Variants in PAK6 observed in about 807,000 individuals in gnomAD.
PAK6 encodes the protein p21 (RAC1) activated kinase 6.
PAK6 carries 33 observed loss-of-function variants against 60.8 expected under a neutral mutation model. The observed-to-expected ratio is 0.54, with a 90% confidence interval of 0.41 to 0.73. PAK6 has a LOEUF of 0.73. Ranked by LOEUF, PAK6 falls within the 30% of genes least tolerant of loss-of-function variation. The pLI is 0.00. For missense variants in PAK6, 845 were observed against 904.1 expected (o/e 0.93, Z 0.84); for synonymous variants, 404 against 378.5 (o/e 1.07, Z -0.78).
At chr15:40,273,864 G>T in intron 9 of PAK6, 188 bp downstream of exon 9, 1 of 744,962 alleles carries the variant, frequency 1.3e-6, no homozygotes, top group South Asian at 1.8e-5. Context: ...AACGAGTCCT[G>T]CAAGTGCTTT....
intron 2 of PAK6, among the ~76,000 whole-genome samples, chr15:40,243,961 G>A (rs968472420): frequency 3.9e-5 from 6 of 152,220 alleles, no homozygotes; most frequent in African/African-American, 1.4e-4. Context: ...GCATACACTT[G>A]GTGATGTGGC....
At chr15:40,252,674 G>A in intron 2 of PAK6, 2 of 1,313,682 alleles carry the variant, frequency 1.5e-6, no homozygotes, top group Non-Finnish European at 2.0e-6. Context: ...GAGCGTTCCT[G>A]GGCTTCCCGC....
At chr15:40,247,921 C>T (rs972495966) in intron 2 of PAK6, among the ~76,000 whole-genome samples, 1 of 152,184 alleles carries the variant, frequency 6.6e-6, no homozygotes, top group Non-Finnish European at 1.5e-5. Flanking sequence ...GAGCTTTCTC[C>T]TTGGTCCCTT....
chr15:40,253,284 C>T (rs769193602), exon 3 of PAK6: 2 of 455,660 alleles, frequency 4.4e-6, no homozygotes, highest in Admixed American at 2.3e-5. Context: ...CGGAAGGCGC[C>T]GGAAGGTGAG....
At chr15:40,242,097 G>T (rs1438828664) in intron 2 of PAK6, among the ~76,000 whole-genome samples, 1 of 152,186 alleles carries the variant, frequency 6.6e-6, no homozygotes, top group Non-Finnish European at 1.5e-5. Context: ...CAGCAGGTTG[G>T]GCCAGGAGGG....
At chr15:40,244,117 A>C (rs1433843389) in intron 2 of PAK6, among the ~76,000 whole-genome samples, 2 of 152,120 alleles carry the variant, frequency 1.3e-5, no homozygotes, top group East Asian at 3.9e-4. Context: ...AGATCACAAG[A>C]TCAAGAGATC....
At chr15:40,241,542 G>C (rs1416082030) in intron 2 of PAK6, among the ~76,000 whole-genome samples, 2 of 152,200 alleles carry the variant, frequency 1.3e-5, no homozygotes, top group Non-Finnish European at 2.9e-5. Context: ...TCCTGGCCCA[G>C]GCTTGGAGGT....
intron 2 of PAK6, chr15:40,251,944 C>G (rs1040688346): frequency 6.4e-6 from 1 of 156,064 alleles, no homozygotes. Context: ...GGAGGGGCTC[C>G]GAAACAGGCC....
chr15:40,276,141 C>G (rs772480323), exon 11 of PAK6: 5 of 1,577,604 alleles, frequency 3.2e-6, no homozygotes, highest in Middle Eastern at 1.7e-4. Context: ...GCAGGGCACA[C>G]TGGGCAGCCA....
intron 3 of PAK6, among the ~76,000 whole-genome samples, chr15:40,257,292 G>A (rs2038863419): frequency 6.6e-6 from 1 of 152,244 alleles, no homozygotes; most frequent in Non-Finnish European, 1.5e-5. Context: ...GCCCAACGCT[G>A]ACCCCTCCGG....
chr15:40,264,851 C>T (rs2039078047), exon 4 of PAK6: 7 of 1,613,926 alleles, frequency 4.3e-6, no homozygotes, highest in Non-Finnish European at 5.9e-6. Flanking sequence ...AGCACCGTGT[C>T]CACACCTCCT....
chr15:40,276,833 AC>A (rs1009748106), exon 11 of PAK6: 1 of 149,818 alleles, frequency 6.7e-6, no homozygotes, highest in African/African-American at 2.5e-5. Context: ...CCTCCAGGTC[AC>A]CCACAGCCAG....
chr15:40,264,815 T>C (rs139649727), exon 4 of PAK6: 52 of 1,613,958 alleles, frequency 3.2e-5, no homozygotes, highest in Non-Finnish European at 4.3e-5. Flanking sequence ...AGAAACGCCC[T>C]GAGATCTCAG....
At chr15:40,276,308 C>T in exon 11 of PAK6, 1 of 572,778 alleles carries the variant, frequency 1.7e-6, no homozygotes, top group South Asian at 2.2e-5. Context: ...ATGGAGACCC[C>T]TTTCTACAGG....
intron 4 of PAK6, 22 bp from the exon 5 acceptor site, chr15:40,265,820 C>T: frequency 6.6e-7 from 1 of 1,505,930 alleles, no homozygotes; most frequent in Non-Finnish European, 8.9e-7. Flanking sequence ...CTCCCACACA[C>T]TCTTTTCTCT....
chr15:40,265,832 C>T lies in PAK6; in HGVS notation c.205-10C>T. The T allele has an allele frequency of 2.7e-6, 4 of 1,508,442 alleles. No homozygotes were observed. Among genetic ancestry groups the T allele is most frequent in the Non-Finnish European group, 3.5e-6 (4 of 1,127,310 alleles). The allele number at this position is 1,508,442 out of a possible 1,614,324, so 93.4% of individuals were successfully genotyped here. A position where few individuals can be genotyped will look rare whatever the true frequency, so the allele number is the denominator to read the frequency against. On this transcript the variant is annotated splice_polypyrimidine_tract_variant and intron_variant, in intron 4 of 10. Transcript: ENST00000560346. The stretch of plus-strand genomic sequence containing the variant: ...CAGCTCCCACACACTCTTTTCTCTT[C>T]CCCCTACAGACAGTGGTGCGGGGCA...
At chr15:40,242,055 G>A (rs952148634) in intron 2 of PAK6, among the ~76,000 whole-genome samples, 2 of 152,108 alleles carry the variant, frequency 1.3e-5, no homozygotes, top group Non-Finnish European at 2.9e-5. Context: ...GGAGGCTGTC[G>A]AGCACTAGGT....
At chr15:40,254,601 C>G (rs1263005572) in intron 3 of PAK6, among the ~76,000 whole-genome samples, 5 of 152,180 alleles carry the variant, frequency 3.3e-5, no homozygotes, top group Non-Finnish European at 5.9e-5. Context: ...CTGGCTTGAG[C>G]TTCCAGTCCC....
intron 10 of PAK6, among the ~76,000 whole-genome samples, chr15:40,275,294 T>TTTTTTTTC (rs1339650651): frequency 8.4e-6 from 1 of 118,646 alleles, no homozygotes; most frequent in East Asian, 2.3e-4. Flanking sequence ...TTTTTTTTTT[T>TTTTTTTTC]TTTTTTTTGG....
Sources: gnomAD v4.1 joint callset for allele counts (sites outside exome capture counted in the v4.1 genomes callset) on GRCh38, gnomAD v4.1.1 for gene constraint, MANE v1.5 for transcripts, NCBI Gene and HGNC (gene_info 2026-07-23, HGNC 2026-07-21) for gene names.